The following VSIG10 variants were observed in gnomAD, a reference collection of about 807,000 sequenced individuals.
VSIG10 encodes V-set and immunoglobulin domain containing 10, also known as V-set and immunoglobulin domain-containing protein 10.
In VSIG10, 48 loss-of-function variants were observed where a neutral mutation model predicts 58.7. That is an observed-to-expected ratio of 0.82 (90% CI 0.65 to 1.04). VSIG10 has a LOEUF of 1.04. Among genes scored for constraint, VSIG10 ranks in the 50% least tolerant of loss-of-function variants. The pLI is 0.00. For synonymous variants in VSIG10, 260 were observed against 267.1 expected (o/e 0.97, Z 0.26); for missense variants, 628 against 670.0 (o/e 0.94, Z 0.69).
rs144385466 is a variant in VSIG10 at position 118,096,749 on chromosome 12, T to TACAGAGCA, written c.80-943_80-936dup. 3.0e-3 allele frequency among the ~76,000 whole-genome samples: 428 copies of TACAGAGCA among 144,654 alleles called. 1 individual carries two copies. Among genetic ancestry groups the TACAGAGCA allele is most frequent in the African/African-American group, 0.01 (404 of 39,494 alleles). 94.9% of individuals were successfully genotyped at this position (144,654 alleles called of 152,430 possible). A position where few individuals can be genotyped will look rare whatever the true frequency, so the allele number is the denominator to read the frequency against. On this transcript the variant is annotated intron_variant, in intron 1 of 8. Coordinates refer to ENST00000359236, the MANE Select transcript of VSIG10 (RefSeq NM_019086.6). Reference sequence around the variant, plus strand: ...TGTGTTCTTAAGATGCAATAACACATACAGAGCAGCTGGGCGTAGCGGCTC... The same window carrying TACAGAGCA: ...TGTGTTCTTAAGATGCAATAACACATACAGAGCAACAGAGCAGCTGGGCGTAGCGGCTC...
rs1232658210 is a variant in VSIG10 at position 118,088,028 on chromosome 12, G to A, written c.362-5599C>T. ...TGGGAGGCCGAGGCGGGTGGATCAC[G>A]AGGTTAGGAGTTCAAGACCAGCCTG... On this transcript the variant is annotated intron_variant, in intron 2 of 8. Coordinates refer to ENST00000359236, the MANE Select transcript of VSIG10 (RefSeq NM_019086.6). 5.3e-5 allele frequency among the ~76,000 whole-genome samples: 8 copies of A among 151,852 alleles called. No individual in the cohort carries two copies. The East Asian group carries it at 7.8e-4, about 15-fold the overall frequency.
chr12:118,068,223 C>CA (rs1280283362), intron 8 of VSIG10, among the ~76,000 whole-genome samples, 154 bp downstream of exon 8: 6 of 129,576 alleles, frequency 4.6e-5, no homozygotes, highest in Non-Finnish European at 7.9e-5. Flanking sequence ...TTCGTAGAGA[C>CA]AGAGTCTCAC....
intron 8 of VSIG10, among the ~76,000 whole-genome samples, chr12:118,067,267 A>T (rs1050694721): frequency 6.6e-6 from 1 of 151,778 alleles, no homozygotes; most frequent in Admixed American, 6.6e-5. Flanking sequence ...CCAGCGATCC[A>T]CCCACTTTGG....
At position 118,065,730 on chromosome 12, in the gene VSIG10, TTA is replaced by T. The variant is rs1465507936; in HGVS notation, c.*907_*908del. 2 of 152,214 alleles carry T rather than the reference TTA, an allele frequency of 1.3e-5. No homozygotes were observed. The highest frequency in any genetic ancestry group is 2.9e-5 in the Non-Finnish European group (2 of 68,042). 9.4% of individuals were successfully genotyped at this position (152,214 alleles called of 1,614,324 possible). A position where few individuals can be genotyped will look rare whatever the true frequency, so the allele number is the denominator to read the frequency against. Reference sequence around the variant, plus strand: ...ACAAAGATATTTTTCAATAAATGGATTATGTTTTTCAATGAATGGATCTTACA... The same window carrying T: ...ACAAAGATATTTTTCAATAAATGGATTGTTTTTCAATGAATGGATCTTACA... On this transcript the variant is annotated 3_prime_UTR_variant, in exon 9 of 9. Coordinates refer to ENST00000359236, the MANE Select transcript of VSIG10 (RefSeq NM_019086.6).
At chr12:118,070,807 G>C (rs2032459843) in intron 7 of VSIG10, 5 of 570,342 alleles carry the variant, frequency 8.8e-6, no homozygotes, top group Non-Finnish European at 1.6e-5. Flanking sequence ...TCTGGAATGA[G>C]CTTGCAGAAA....
At chr12:118,075,318 C>T (rs763937316) in intron 4 of VSIG10, among the ~76,000 whole-genome samples, 1 of 151,854 alleles carries the variant, frequency 6.6e-6, no homozygotes, top group Non-Finnish European at 1.5e-5. Flanking sequence ...AGGAACACTA[C>T]ATTTCCTTCC....
chr12:118,079,649 T>C lies in VSIG10; in HGVS notation c.665-43A>G, dbSNP rs775679512. ...AAAGCATGGGCTGAATCACAGACTC[T>C]AGGATCAGCCACTGGACTGGCTCTA... is the stretch of plus-strand genomic sequence containing the variant. On this transcript the variant is annotated intron_variant, in intron 3 of 8. Transcript: ENST00000359236. 18 of 1,604,628 alleles carry C rather than the reference T, an allele frequency of 1.1e-5. No individual in the cohort carries two copies. In the Admixed American group the frequency reaches 2.9e-4, roughly 25 times the overall value.
At chr12:118,094,573 G>A (rs1355291545) in intron 2 of VSIG10, among the ~76,000 whole-genome samples, 7 of 151,418 alleles carry the variant, frequency 4.6e-5, no homozygotes, top group Non-Finnish European at 1.0e-4. Flanking sequence ...TAGTAGAGAT[G>A]GGGTTTCACC....
chr12:118,068,194 CTTTTTTTTTTT>C (rs71069404), intron 8 of VSIG10, among the ~76,000 whole-genome samples, 172 bp downstream of exon 8: 2 of 100,296 alleles, frequency 2.0e-5, no homozygotes, highest in African/African-American at 7.7e-5. Context: ...GCTAATTTTT[CTTTTTTTTTTT>C]TTTTTTTTTC....
intron 8 of VSIG10, 42 bp downstream of exon 8, chr12:118,068,335 T>G: frequency 6.3e-7 from 1 of 1,599,712 alleles, no homozygotes; most frequent in Non-Finnish European, 8.5e-7. Context: ...GCGCCTTTTT[T>G]TGTTTGTTTT....
rs2032226230 is a variant in VSIG10 at position 118,065,813 on chromosome 12, G to C, written c.*826C>G. ...TGTGTGTGCTTGGTTTTTTTGCTGA[G>C]ACCCAAATGTTGCCAGTGCAATCCC... On this transcript the variant is annotated 3_prime_UTR_variant, in exon 9 of 9. Coordinates refer to ENST00000359236, the MANE Select transcript of VSIG10 (RefSeq NM_019086.6). 1 of 152,080 alleles carries C rather than the reference G, an allele frequency of 6.6e-6. No homozygotes were observed. The highest frequency in any genetic ancestry group is 2.4e-5 in the African/African-American group (1 of 41,398). 9.4% of individuals were successfully genotyped at this position (152,080 alleles called of 1,614,324 possible).
In VSIG10 at chr12:118,079,471, A is replaced by G. The variant is rs549348665; in HGVS notation, c.800T>C (p.Val267Ala). Residue 267 changes from valine (V) to alanine (A), a missense_variant, in exon 4 of 9, where the codon GTG (valine) becomes GCG (alanine). Val to Ala is a moderately conservative substitution (Grantham distance 64). Transcript: ENST00000359236. ...TTCCACCCCCAGCTTTGACTTCCCC[A>G]CGATTACACCTCCTGGCTCTTCTAT... ...LWIEEPGGVI[V>A]GKSKLGVEML... The G allele has an allele frequency of 2.5e-6, 4 of 1,613,960 alleles. No homozygotes were observed. In the African/African-American group the frequency reaches 4.0e-5, roughly 16 times the overall value.
At chr12:118,068,194 CTTTTTTTT>C (rs71069404) in intron 8 of VSIG10, among the ~76,000 whole-genome samples, 175 bp downstream of exon 8, 6 of 100,296 alleles carry the variant, frequency 6.0e-5, no homozygotes, top group African/African-American at 2.3e-4. Flanking sequence ...GCTAATTTTT[CTTTTTTTT>C]TTTTTTTTTT....
At chr12:118,078,035 T>C (rs951035092) in intron 4 of VSIG10, among the ~76,000 whole-genome samples, 13 of 152,242 alleles carry the variant, frequency 8.5e-5, no homozygotes, top group African/African-American at 1.2e-4. Flanking sequence ...GTTTGAATGT[T>C]TGTCCCCTCC....
intron 1 of VSIG10, among the ~76,000 whole-genome samples, chr12:118,098,372 C>T (rs920162074): frequency 6.8e-6 from 1 of 147,584 alleles, no homozygotes. Context: ...CCTCTCTCTC[C>T]GCCTCTCCCT....
chr12:118,071,943 G>A (rs2032511880), intron 5 of VSIG10, among the ~76,000 whole-genome samples: 3 of 152,200 alleles, frequency 2.0e-5, no homozygotes, highest in African/African-American at 4.8e-5. Context: ...GCTGAGGAGG[G>A]CGGATCACCT....
At chr12:118,067,890 G>A (rs2032310273) in intron 8 of VSIG10, among the ~76,000 whole-genome samples, 1 of 152,072 alleles carries the variant, frequency 6.6e-6, no homozygotes, top group African/African-American at 2.4e-5. Flanking sequence ...TGATTTTCAT[G>A]TTGGTAGTTG....
rs1297218227 is a variant in VSIG10 at position 118,071,465 on chromosome 12, A to T, written c.1224T>A (p.Pro408=). The change falls in exon 6 of 9, where the codon CCT becomes CCA. Residue 408 remains proline, a synonymous_variant. Transcript: ENST00000359236. ...TTCCCACAATCCCCCCGATATTTAA[A>T]GGTTCTGTAAAGACAAATCACACCA... The part of the protein sequence containing the change: ...EMEIWLSVKE[P]LNIGGIVGTI... 2 of 1,613,774 alleles carry T rather than the reference A, an allele frequency of 1.2e-6. No homozygotes were observed. The highest frequency in any genetic ancestry group is 3.3e-5 in the Admixed American group (2 of 60,000).
chr12:118,102,243 A>G (rs1033008238), intron 1 of VSIG10: 5 of 152,212 alleles, frequency 3.3e-5, no homozygotes, highest in Non-Finnish European at 7.3e-5. Context: ...CCTGGTGTTC[A>G]TCGTGCAGGA....
Sources: gnomAD v4.1 joint callset for allele counts (sites outside exome capture counted in the v4.1 genomes callset) on GRCh38, gnomAD v4.1.1 for gene constraint, MANE v1.5 for transcripts, NCBI Gene and HGNC (gene_info 2026-07-23, HGNC 2026-07-21) for gene names.